Variants in ZNF385D observed in about 807,000 individuals in gnomAD.
The protein encoded by ZNF385D is zinc finger protein 659.
A neutral mutation model predicts 35.8 loss-of-function variants in ZNF385D; 15 were observed. The ratio of observed to expected loss-of-function variants is 0.42; its 90% CI spans 0.28 to 0.64. The LOEUF is 0.64. Among genes scored for constraint, ZNF385D ranks in the 30% least tolerant of loss-of-function variants. The pLI is 0.23. For missense variants in ZNF385D, 474 were observed against 494.6 expected, an observed-to-expected ratio of 0.96 and a Z score of 0.39; for synonymous variants, 212 against 186.8, an observed-to-expected ratio of 1.13 and a Z score of -1.10.
At chr3:21,621,437 G>A (rs17009164) in intron 2 of ZNF385D, among the ~76,000 whole-genome samples, 6,422 of 152,042 alleles carry the variant, frequency 0.042, 423 homozygotes, top group African/African-American at 0.14. Flanking sequence ...AACATAAAGC[G>A]GAGTCATTAA....
At chr3:21,599,854 T>C (rs2064231113) in intron 2 of ZNF385D, among the ~76,000 whole-genome samples, 1 of 152,178 alleles carries the variant, frequency 6.6e-6, no homozygotes, top group South Asian at 2.1e-4. Flanking sequence ...ATCTTGAATA[T>C]GAGCTGGGTA....
At chr3:22,028,684 T>C (rs1279171646) in intron 3 of ZNF385D, among the ~76,000 whole-genome samples, 1 of 152,190 alleles carries the variant, frequency 6.6e-6, no homozygotes, top group Non-Finnish European at 1.5e-5. Flanking sequence ...TCCATGATCA[T>C]GGTATTCCAC....
intron 2 of ZNF385D, among the ~76,000 whole-genome samples, chr3:22,198,223 T>G (rs1236638993): frequency 6.6e-6 from 1 of 152,072 alleles, no homozygotes; most frequent in East Asian, 1.9e-4. Flanking sequence ...GTTTACCTAG[T>G]AAGTTTAAAA....
chr3:21,513,429 A>G (rs1286437493), intron 3 of ZNF385D, among the ~76,000 whole-genome samples: 1 of 152,192 alleles, frequency 6.6e-6, no homozygotes, highest in Non-Finnish European at 1.5e-5. Flanking sequence ...AATGAAATGC[A>G]TATTCACTCG....
At chr3:22,026,300 A>G (rs259427) in intron 3 of ZNF385D, among the ~76,000 whole-genome samples, 89,737 of 151,872 alleles carry the variant, frequency 0.59, 27,098 homozygotes, top group East Asian at 0.91. Context: ...GGGAGGCCAG[A>G]ACCCCTTGAG....
chr3:21,756,146 G>C (rs184601756), upstream of ZNF385D, among the ~76,000 whole-genome samples: 19 of 152,172 alleles, frequency 1.2e-4, no homozygotes, highest in Non-Finnish European at 2.8e-4. Context: ...CAGATGTAAG[G>C]TGACGGGTTA....
At chr3:22,371,374 C>T (rs1696897485) in intron 2 of ZNF385D, among the ~76,000 whole-genome samples, 1 of 151,322 alleles carries the variant, frequency 6.6e-6, no homozygotes, top group African/African-American at 2.4e-5. Flanking sequence ...CATAGAACAG[C>T]GCCAGCTCTA....
intron 2 of ZNF385D, among the ~76,000 whole-genome samples, chr3:22,268,383 A>G (rs975448413): frequency 6.6e-6 from 1 of 152,062 alleles, no homozygotes; most frequent in Non-Finnish European, 1.5e-5. Context: ...ACATGAAAGC[A>G]TAATGCTCAT....
chr3:21,873,316 G>A (rs1392799973), intron 3 of ZNF385D, among the ~76,000 whole-genome samples: 11 of 152,038 alleles, frequency 7.2e-5, no homozygotes, highest in Non-Finnish European at 1.6e-4. Context: ...TATTTTTAAA[G>A]TTAGTTTACA....
intron 1 of ZNF385D, among the ~76,000 whole-genome samples, chr3:21,686,000 G>T (rs2067090829): frequency 6.6e-6 from 1 of 152,128 alleles, no homozygotes; most frequent in Admixed American, 6.6e-5. Flanking sequence ...AGCTTTGGTG[G>T]TCACAGATGT....
intron 1 of ZNF385D, among the ~76,000 whole-genome samples, chr3:21,739,760 G>T (rs1217657354): frequency 2.6e-5 from 4 of 152,134 alleles, no homozygotes; most frequent in African/African-American, 9.7e-5. Context: ...GATCTTTGGG[G>T]TATTTCTTCT....
intron 3 of ZNF385D, among the ~76,000 whole-genome samples, chr3:21,876,840 T>A (rs1303180094): frequency 1.3e-5 from 2 of 152,082 alleles, no homozygotes; most frequent in African/African-American, 4.8e-5. Context: ...TTAGCTTCTG[T>A]CTAAATGTTC....
chr3:21,759,114 C>CA (rs1286571060), intron 3 of ZNF385D, among the ~76,000 whole-genome samples: 1 of 149,766 alleles, frequency 6.7e-6, no homozygotes, highest in Admixed American at 6.7e-5. Flanking sequence ...AGCATATATC[C>CA]AAAAATATAA....
chr3:21,694,858 AAAG>A (rs1391543608), intron 1 of ZNF385D, among the ~76,000 whole-genome samples: 1 of 152,192 alleles, frequency 6.6e-6, no homozygotes, highest in Non-Finnish European at 1.5e-5. Context: ...AAACAAGCAA[AAAG>A]AAGGAGAATT....
intron 4 of ZNF385D, among the ~76,000 whole-genome samples, chr3:21,503,798 C>T (rs1706569644): frequency 6.6e-6 from 1 of 152,094 alleles, no homozygotes; most frequent in South Asian, 2.1e-4. Context: ...CTCTAAGTCC[C>T]TGAACAAATA....
intron 3 of ZNF385D, among the ~76,000 whole-genome samples, chr3:21,923,971 T>C (rs1338383330): frequency 6.6e-6 from 1 of 152,122 alleles, no homozygotes; most frequent in African/African-American, 2.4e-5. Context: ...AATCCTGGAA[T>C]AAAATAAAGT....
At chr3:22,217,034 A>G (rs1228786001) in intron 2 of ZNF385D, among the ~76,000 whole-genome samples, 8 of 152,066 alleles carry the variant, frequency 5.3e-5, no homozygotes, top group Admixed American at 4.6e-4. Flanking sequence ...AGATTTTGCT[A>G]TGTATCTGTT....
At chr3:22,049,061 C>G (rs990729269) in intron 3 of ZNF385D, among the ~76,000 whole-genome samples, 6 of 151,914 alleles carry the variant, frequency 3.9e-5, no homozygotes, top group African/African-American at 1.5e-4. Flanking sequence ...CTGTGCGAGG[C>G]CTATGTGGGT....
intron 3 of ZNF385D, among the ~76,000 whole-genome samples, chr3:21,853,990 T>A (rs1348552647): frequency 6.6e-6 from 1 of 151,872 alleles, no homozygotes; most frequent in Admixed American, 6.6e-5. Context: ...TGATAAAATA[T>A]TCTATACCTT....
Sources: gnomAD v4.1 joint callset for allele counts (sites outside exome capture counted in the v4.1 genomes callset) on GRCh38, gnomAD v4.1.1 for gene constraint, MANE v1.5 for transcripts, NCBI Gene and HGNC (gene_info 2026-07-23, HGNC 2026-07-21) for gene names.